Variants in LRRC4C observed in about 807,000 individuals in gnomAD.
LRRC4C encodes leucine-rich repeat-containing protein 4C.
A neutral mutation model predicts 33.6 loss-of-function variants in LRRC4C; 5 were observed. The ratio of observed to expected loss-of-function variants is 0.15; its 90% CI spans 0.08 to 0.31. LRRC4C has a LOEUF of 0.31. LRRC4C is among the 10% of genes least tolerant of loss of function. The pLI, the probability that LRRC4C is intolerant of heterozygous loss-of-function variation, is 1.00. For missense variants in LRRC4C, 560 were observed against 796.7 expected (o/e 0.70, Z 3.58); for synonymous variants, 329 against 302.0 (o/e 1.09, Z -0.93).
chr11:40,516,692 A>C (rs968103408), intron 3 of LRRC4C, among the ~76,000 whole-genome samples: 1 of 152,162 alleles, frequency 6.6e-6, no homozygotes, highest in Admixed American at 6.6e-5. Flanking sequence ...ATAAGGACAC[A>C]AGCATCTCTG....
At chr11:41,038,348 T>C (rs1032237229) in intron 1 of LRRC4C, among the ~76,000 whole-genome samples, 2 of 152,224 alleles carry the variant, frequency 1.3e-5, no homozygotes, top group African/African-American at 2.4e-5. Flanking sequence ...TGATCTTCTC[T>C]TTATTTTTGT....
chr11:40,865,085 C>T (rs1291314725), intron 2 of LRRC4C, among the ~76,000 whole-genome samples: 1 of 152,104 alleles, frequency 6.6e-6, no homozygotes, highest in African/African-American at 2.4e-5. Flanking sequence ...AGATGTTTTC[C>T]ACATGCTAAT....
rs1244192703 is a variant in LRRC4C, at chr11:41,454,958, T to C, written c.-496+4473A>G. On this transcript the variant is annotated intron_variant, in intron 1 of 6. Transcript: ENST00000528697. ...TTTTATTAAGTGCTTTATATAAAAT[T>C]ATTCATTCACTCATCACAGAATTGC... Among the ~76,000 whole-genome samples the C allele has an allele frequency of 2.6e-5, 4 of 152,112 alleles. No individual in the cohort carries two copies. The East Asian group carries it at 7.7e-4, about 29-fold the overall frequency.
At chr11:40,615,598 G>A (rs1181460435) in intron 3 of LRRC4C, among the ~76,000 whole-genome samples, 1 of 151,638 alleles carries the variant, frequency 6.6e-6, no homozygotes, top group Non-Finnish European at 1.5e-5. Context: ...TGAGTGAAGT[G>A]TTCTCACAGC....
At chr11:41,143,791 CA>C (rs1238833141) in intron 1 of LRRC4C, among the ~76,000 whole-genome samples, 1 of 152,086 alleles carries the variant, frequency 6.6e-6, no homozygotes, top group Admixed American at 6.6e-5. Context: ...TTCAAATGAG[CA>C]GCTAAAATTG....
chr11:40,476,339 C>CT (rs376644704), intron 3 of LRRC4C, among the ~76,000 whole-genome samples: 3 of 121,576 alleles, frequency 2.5e-5, no homozygotes, highest in Admixed American at 1.9e-4. Context: ...CATTTTTTTT[C>CT]TTCTTTTTTT....
chr11:40,714,197 C>A (rs1946601643), intron 2 of LRRC4C, among the ~76,000 whole-genome samples: 1 of 152,134 alleles, frequency 6.6e-6, no homozygotes, highest in African/African-American at 2.4e-5. Flanking sequence ...CCTGGCAACA[C>A]CTTCATTTCA....
intron 1 of LRRC4C, among the ~76,000 whole-genome samples, chr11:41,078,205 G>C (rs1203063622): frequency 1.3e-5 from 2 of 152,156 alleles, no homozygotes; most frequent in African/African-American, 4.8e-5. Context: ...CCTTTCTTCT[G>C]AGGCCTCCAA....
chr11:40,666,194 C>G lies in LRRC4C; in HGVS notation c.-406-17916G>C, dbSNP rs542966883. On this transcript the variant is annotated intron_variant, in intron 2 of 6. Transcript: ENST00000528697. Reference sequence around the variant, plus strand: ...CCTCACAAATCACTATGCAAAATTTCACATTTACAATGTTGAACACAAAAA... The same window carrying G: ...CCTCACAAATCACTATGCAAAATTTGACATTTACAATGTTGAACACAAAAA... Among the ~76,000 whole-genome samples, 3 of 152,172 alleles carry G rather than the reference C, an allele frequency of 2.0e-5. No homozygotes were observed. The South Asian group carries it at 6.2e-4, about 32-fold the overall frequency.
chr11:40,359,691 A>G (rs560230497), intron 3 of LRRC4C, among the ~76,000 whole-genome samples: 1 of 152,278 alleles, frequency 6.6e-6, no homozygotes, highest in Admixed American at 6.5e-5. Context: ...TTGCTACAGG[A>G]TATTATTCAA....
intron 4 of LRRC4C, among the ~76,000 whole-genome samples, chr11:40,307,185 A>C (rs113190853): frequency 6.6e-5 from 10 of 152,250 alleles, no homozygotes; most frequent in African/African-American, 2.2e-4. Context: ...GACAATCAAA[A>C]TGTCTACAGA....
chr11:40,554,224 A>G (rs1259349064), intron 3 of LRRC4C, among the ~76,000 whole-genome samples: 2 of 152,026 alleles, frequency 1.3e-5, no homozygotes, highest in East Asian at 3.9e-4. Context: ...ATTTTTATGT[A>G]CTTTGTTGAA....
intron 2 of LRRC4C, among the ~76,000 whole-genome samples, chr11:40,874,194 G>C (rs1002997765): frequency 1.3e-5 from 2 of 152,160 alleles, no homozygotes; most frequent in Non-Finnish European, 2.9e-5. Context: ...TTGCACTGGG[G>C]TTTTCTTTTC....
chr11:41,273,909 A>T (rs768898711), intron 1 of LRRC4C, among the ~76,000 whole-genome samples: 1 of 152,188 alleles, frequency 6.6e-6, no homozygotes, highest in Non-Finnish European at 1.5e-5. Context: ...TATCCACACA[A>T]AACTTTAAAT....
chr11:40,783,692 G>T (rs1950305268), intron 2 of LRRC4C, among the ~76,000 whole-genome samples: 1 of 151,960 alleles, frequency 6.6e-6, no homozygotes, highest in African/African-American at 2.4e-5. Context: ...AACAGTTTTG[G>T]AATTTGTGTT....
At chr11:40,667,054 T>C (rs1372316922) in intron 2 of LRRC4C, among the ~76,000 whole-genome samples, 3 of 152,212 alleles carry the variant, frequency 2.0e-5, no homozygotes, top group Non-Finnish European at 4.4e-5. Context: ...TAAATGTAGA[T>C]TATTCAAAAT....
intron 1 of LRRC4C, among the ~76,000 whole-genome samples, chr11:41,102,481 T>C (rs1472267404): frequency 6.6e-6 from 1 of 152,060 alleles, no homozygotes; most frequent in East Asian, 1.9e-4. Flanking sequence ...CGTATTGAAG[T>C]ATATTCTCTC....
intron 1 of LRRC4C, among the ~76,000 whole-genome samples, chr11:41,417,281 G>A (rs1043362739): frequency 1.2e-4 from 19 of 152,090 alleles, no homozygotes; most frequent in African/African-American, 3.4e-4. Flanking sequence ...TTGTAGCAAT[G>A]GCTAAAGTGA....
Position 41,325,577 on chromosome 11 carries a change from T to TTGTG in LRRC4C, c.-496+133850_-496+133853dup, listed in dbSNP as rs71466928. 1.4e-3 allele frequency among the ~76,000 whole-genome samples: 147 copies of TTGTG among 104,124 alleles called. 4 individuals carry two copies. The highest frequency in any genetic ancestry group is 3.8e-3 in the African/African-American group (110 of 29,272). The allele number at this position is 104,124 out of a possible 152,430, so 68.3% of individuals were successfully genotyped here. On this transcript the variant is annotated intron_variant, in intron 1 of 6. Transcript: ENST00000528697. ...TTATTGTCCTTATAGTTTTTTTTTT[T>TTGTG]TGTGTGTGTGTGTGTGTGTGTGTGT...
Sources: allele counts gnomAD v4.1 joint callset (sites outside exome capture counted in the v4.1 genomes callset), GRCh38; gene constraint gnomAD v4.1.1; transcripts MANE v1.5; gene names NCBI Gene and HGNC (gene_info 2026-07-23, HGNC 2026-07-21).